Variants in CCDC169 observed in about 807,000 individuals in gnomAD.
The protein encoded by CCDC169 is coiled-coil domain containing 169.
Under a neutral mutation model 36.0 loss-of-function variants are expected in CCDC169, and 30 were observed. The observed-to-expected ratio is 0.83, with a 90% confidence interval of 0.62 to 1.13. The LOEUF is 1.13. Among genes scored for constraint, CCDC169 ranks in the 50% most tolerant of loss-of-function variants. The pLI, the probability that CCDC169 is intolerant of heterozygous loss-of-function variation, is 0.00. For synonymous variants in CCDC169, 85 were observed against 81.5 expected, an observed-to-expected ratio of 1.04 and a Z score of -0.23; for missense variants, 245 against 245.9, an observed-to-expected ratio of 1.00 and a Z score of 0.03.
At chr13:36,267,371 T>C (rs1875453314) in intron 4 of CCDC169, 1 of 152,174 alleles carries the variant, frequency 6.6e-6, no homozygotes, top group East Asian at 1.9e-4. Context: ...GTTTCATAAA[T>C]GAAGGAGAAA....
intron 7 of CCDC169, among the ~76,000 whole-genome samples, chr13:36,248,211 C>A (rs979618142): frequency 6.6e-6 from 1 of 151,996 alleles, no homozygotes; most frequent in Non-Finnish European, 1.5e-5. Context: ...TACTAAGAAA[C>A]CCCAAAATTT....
At position 36,268,616 on chromosome 13, in the gene CCDC169, C is replaced by G. The variant is rs73547331; in HGVS notation, c.316-14473G>C. Among the ~76,000 whole-genome samples the G allele has an allele frequency of 5.2e-3, 783 of 151,780 alleles. 5 individuals are homozygous for G. Among genetic ancestry groups the G allele is most frequent in the African/African-American group, 0.018 (733 of 41,414 alleles). On this transcript the variant is annotated intron_variant, in intron 4 of 7. Coordinates refer to ENST00000239859, the MANE Select transcript of CCDC169 (RefSeq NM_001144981.3). ...AAAGCTACAAGAAGAAAAGAAATAA[C>G]AAGATCAGAGTAGAACTAAATGAAA...
At chr13:36,249,137 G>T (rs1478672233) in intron 6 of CCDC169, among the ~76,000 whole-genome samples, 1 of 152,206 alleles carries the variant, frequency 6.6e-6, no homozygotes, top group East Asian at 1.9e-4. Context: ...CTAGTGGTCA[G>T]TGTAAATGTA....
Position 36,231,542 on chromosome 13 carries a change from G to T in CCDC169, c.546-250C>A, listed in dbSNP as rs144820671. Reference sequence around the variant, plus strand: ...GTAATTCAAAGGCTGGAAGCAGCATGTCAGGTGCCCTAATGTGGAAAGTTC... The same window carrying T: ...GTAATTCAAAGGCTGGAAGCAGCATTTCAGGTGCCCTAATGTGGAAAGTTC... On this transcript the variant is annotated intron_variant, in intron 7 of 7. Transcript: ENST00000239859. 7.9e-4 allele frequency among the ~76,000 whole-genome samples: 120 copies of T among 152,336 alleles called. 1 individual carries two copies. Among genetic ancestry groups the T allele is most frequent in the Middle Eastern group, 3.4e-3 (1 of 294 alleles).
chr13:36,283,756 T>C, intron 2 of CCDC169, 54 bp from the exon 3 acceptor site: 1 of 1,298,754 alleles, frequency 7.7e-7, no homozygotes. Flanking sequence ...TCTCATTTAT[T>C]CATTAAAATA....
At chr13:36,291,582 T>C (rs1878904231) in intron 2 of CCDC169, among the ~76,000 whole-genome samples, 1 of 152,210 alleles carries the variant, frequency 6.6e-6, no homozygotes, top group Admixed American at 6.5e-5. Context: ...TTTATTAATA[T>C]ACTAATCTTT....
chr13:36,228,305 C>T (rs1870066531), downstream of CCDC169, among the ~76,000 whole-genome samples: 1 of 152,106 alleles, frequency 6.6e-6, no homozygotes, highest in Non-Finnish European at 1.5e-5. Context: ...CCAGGTTTTT[C>T]ACACTCATGT....
At chr13:36,227,963 T>C (rs1321599676), downstream of CCDC169, among the ~76,000 whole-genome samples, 1 of 152,258 alleles carries the variant, frequency 6.6e-6, no homozygotes, top group African/African-American at 2.4e-5. Flanking sequence ...AGGATAATGT[T>C]TCCAAGGTTT....
chr13:36,249,729 C>T (rs1225748242), intron 6 of CCDC169, among the ~76,000 whole-genome samples: 1 of 128,190 alleles, frequency 7.8e-6, no homozygotes, highest in Non-Finnish European at 1.8e-5. Flanking sequence ...TAAAAATATG[C>T]GAAGGGATAT....
Position 36,230,885 on chromosome 13 carries a change from G to C in CCDC169, c.*308C>G. On this transcript the variant is annotated 3_prime_UTR_variant, in exon 8 of 8. Transcript: ENST00000239859. ...CTAACAGTCAACTAGAAACCAAATA[G>C]AATAGCAACGTTACTATCAGAGCAG... is the stretch of plus-strand genomic sequence containing the variant. 9.7e-7 allele frequency: 1 copy of C among 1,026,408 alleles called. No individual in the cohort carries two copies. The highest frequency in any genetic ancestry group is 5.6e-5 in the Admixed American group (1 of 17,806). 63.6% of individuals were successfully genotyped at this position (1,026,408 alleles called of 1,614,324 possible). A position where few individuals can be genotyped will look rare whatever the true frequency, so the allele number is the denominator to read the frequency against.
intron 2 of CCDC169, among the ~76,000 whole-genome samples, chr13:36,286,983 G>A (rs1438894486): frequency 6.6e-6 from 1 of 152,084 alleles, no homozygotes; most frequent in Non-Finnish European, 1.5e-5. Flanking sequence ...GTACTGAAGA[G>A]AAAAAACAAT....
At chr13:36,229,534 A>T, downstream of CCDC169, among the ~76,000 whole-genome samples, 1 of 122,634 alleles carries the variant, frequency 8.2e-6, no homozygotes, top group East Asian at 2.5e-4. Context: ...TAATTATTAT[A>T]ATAATGTTTT....
At chr13:36,224,825 A>G (rs975990356), downstream of CCDC169, 1 of 152,212 alleles carries the variant, frequency 6.6e-6, no homozygotes, top group Non-Finnish European at 1.5e-5. Flanking sequence ...AGGAGCCCGA[A>G]TAGCCAGAGC....
Position 36,254,124 on chromosome 13 carries a change from A to C in CCDC169, c.335T>G (p.Leu112Arg), listed in dbSNP as rs768100563. 11 of 1,542,970 alleles carry C rather than the reference A, an allele frequency of 7.1e-6. No individual in the cohort carries two copies. The highest frequency in any genetic ancestry group is 8.7e-6 in the Non-Finnish European group (10 of 1,143,908). The change falls in exon 5 of 8, where the codon CTT becomes CGT. Residue 112 changes from leucine to arginine, a missense_variant. Physicochemically the swap from Leu to Arg is moderately radical, Grantham distance 102. Coordinates refer to ENST00000239859, the MANE Select transcript of CCDC169 (RefSeq NM_001144981.3). Reference protein sequence around the residue: ...RMPVESLNTLLKQLEEEKKTL... With the variant: ...RMPVESLNTLRKQLEEEKKTL... ...CTTCTTTTCTTCTTCTAGCTGTTTA[A>C]GTAATGTGTTTAAGGATTCCTAAAA...
At chr13:36,254,920 C>T (rs1203472491) in intron 4 of CCDC169, among the ~76,000 whole-genome samples, 2 of 152,128 alleles carry the variant, frequency 1.3e-5, no homozygotes, top group Non-Finnish European at 2.9e-5. Context: ...TCGTGACCTG[C>T]CTCCCTCCTG....
At chr13:36,248,912 A>AT (rs397796360) in intron 6 of CCDC169, among the ~76,000 whole-genome samples, 1 of 151,820 alleles carries the variant, frequency 6.6e-6, no homozygotes, top group Non-Finnish European at 1.5e-5. Flanking sequence ...TAAAAAAAAA[A>AT]TACAGAGGAA....
chr13:36,236,588 ACAAG>A (rs750812982), intron 7 of CCDC169, among the ~76,000 whole-genome samples: 2 of 152,100 alleles, frequency 1.3e-5, no homozygotes, highest in Admixed American at 6.5e-5. Context: ...CACCTAACAC[ACAAG>A]CAAGCAAGAA....
chr13:36,272,080 G>A (rs201054709), intron 4 of CCDC169, among the ~76,000 whole-genome samples: 8 of 138,174 alleles, frequency 5.8e-5, no homozygotes, highest in Middle Eastern at 3.8e-3. Context: ...GTGAGGCTCC[G>A]TCTCAAAAAA....
chr13:36,242,238 TC>T (rs1871923132), intron 7 of CCDC169, among the ~76,000 whole-genome samples: 1 of 152,188 alleles, frequency 6.6e-6, no homozygotes, highest in Non-Finnish European at 1.5e-5. Flanking sequence ...TGTATGAGAA[TC>T]CCCTATTCCT....
Sources: allele counts gnomAD v4.1 joint callset (sites outside exome capture counted in the v4.1 genomes callset), GRCh38; gene constraint gnomAD v4.1.1; transcripts MANE v1.5; gene names NCBI Gene and HGNC (gene_info 2026-07-23, HGNC 2026-07-21).